The following CNOT4 variants were observed in gnomAD, a reference collection of about 807,000 sequenced individuals.
The protein encoded by CNOT4 is CCR4-associated factor 4.
A neutral mutation model predicts 73.8 loss-of-function variants in CNOT4; 8 were observed. That is an observed-to-expected ratio of 0.11 (90% CI 0.06 to 0.20). The LOEUF is 0.20. CNOT4 is among the 10% of genes least tolerant of loss of function. CNOT4 has a pLI of 1.00. For missense variants in CNOT4, 564 were observed against 883.4 expected (o/e 0.64, Z 4.58); for synonymous variants, 293 against 321.1 (o/e 0.91, Z 0.94).
At chr7:135,423,475 A>G (rs1798305054) in intron 2 of CNOT4, among the ~76,000 whole-genome samples, 1 of 152,082 alleles carries the variant, frequency 6.6e-6, no homozygotes, top group Non-Finnish European at 1.5e-5. Flanking sequence ...AAGCGTTAAA[A>G]AAAAAAAAAA....
intron 1 of CNOT4, among the ~76,000 whole-genome samples, chr7:135,461,692 C>A (rs1210799316): frequency 6.6e-6 from 1 of 151,992 alleles, no homozygotes; most frequent in East Asian, 1.9e-4. Context: ...ATTAGCCAGG[C>A]GTGGTGGTGC....
rs759852386 is a variant in CNOT4 at position 135,362,706 on chromosome 7, T to C, written c.*179A>G. ...GATCAACAAAAATTTTTACAATTAA[T>C]AAAGAGATGGTAATGACCCTGTGAT... is the stretch of plus-strand genomic sequence containing the variant. On this transcript the variant is annotated 3_prime_UTR_variant, in exon 12 of 12. Transcript: ENST00000541284. 1.3e-6 allele frequency: 1 copy of C among 760,904 alleles called. No individual in the cohort carries two copies. Among genetic ancestry groups the C allele is most frequent in the South Asian group, 1.4e-5 (1 of 72,890 alleles). 47.1% of individuals were successfully genotyped at this position (760,904 alleles called of 1,614,324 possible).
At chr7:135,457,356 A>C (rs1195524496) in intron 1 of CNOT4, among the ~76,000 whole-genome samples, 1 of 152,038 alleles carries the variant, frequency 6.6e-6, no homozygotes, top group Non-Finnish European at 1.5e-5. Flanking sequence ...TTTGAGGTTT[A>C]ATTTTATGAT....
intron 1 of CNOT4, among the ~76,000 whole-genome samples, chr7:135,490,297 A>C (rs1803022848): frequency 6.6e-6 from 1 of 152,242 alleles, no homozygotes; most frequent in African/African-American, 2.4e-5. Flanking sequence ...AGTAGAAAAT[A>C]CTAATTCAAA....
At chr7:135,378,298 G>A (rs1395145586) in intron 10 of CNOT4, among the ~76,000 whole-genome samples, 1 of 152,076 alleles carries the variant, frequency 6.6e-6, no homozygotes, top group Non-Finnish European at 1.5e-5. Flanking sequence ...GAGGTCAGGA[G>A]CTCGAGACCA....
At chr7:135,499,497 T>A (rs1418122721) in intron 1 of CNOT4, among the ~76,000 whole-genome samples, 1 of 151,854 alleles carries the variant, frequency 6.6e-6, no homozygotes, top group African/African-American at 2.4e-5. Flanking sequence ...AAAAAAAACA[T>A]AAACTATTAA....
intron 1 of CNOT4, among the ~76,000 whole-genome samples, chr7:135,455,652 A>G (rs1213690972): frequency 6.6e-6 from 1 of 152,054 alleles, no homozygotes; most frequent in Non-Finnish European, 1.5e-5. Flanking sequence ...AGGCGGGCAG[A>G]TTACTTGAGG....
chr7:135,457,312 C>G (rs1800600075), intron 1 of CNOT4, among the ~76,000 whole-genome samples: 1 of 151,434 alleles, frequency 6.6e-6, no homozygotes, highest in African/African-American at 2.4e-5. Flanking sequence ...GGGAAGGAGA[C>G]AAAGGGAAAG....
At chr7:135,442,595 C>G (rs115701743) in intron 1 of CNOT4, among the ~76,000 whole-genome samples, 3 of 151,836 alleles carry the variant, frequency 2.0e-5, no homozygotes, top group African/African-American at 7.3e-5. Flanking sequence ...GCAAAAACTT[C>G]GTTTCAAAAA....
At chr7:135,425,030 C>T (rs1798413511) in intron 2 of CNOT4, among the ~76,000 whole-genome samples, 1 of 152,174 alleles carries the variant, frequency 6.6e-6, no homozygotes, top group South Asian at 2.1e-4. Context: ...ACTACCCCAA[C>T]ATTCAGGTCC....
chr7:135,486,699 T>C (rs1179706243), intron 1 of CNOT4, among the ~76,000 whole-genome samples: 1 of 152,220 alleles, frequency 6.6e-6, no homozygotes, highest in African/African-American at 2.4e-5. Context: ...CCCACACCAC[T>C]GAATACTACT....
chr7:135,387,009 T>C lies in CNOT4; in HGVS notation c.1627+6909A>G, dbSNP rs556379746. 4.6e-5 allele frequency: 39 copies of C among 842,564 alleles called. No homozygotes were observed. The South Asian group carries it at 1.8e-3, about 39-fold the overall frequency. The allele number at this position is 842,564 out of a possible 1,614,324, so 52.2% of individuals were successfully genotyped here. On this transcript the variant is annotated intron_variant, in intron 10 of 11. Transcript: ENST00000541284. ...GAAGGCTTTGAGCTAGTAAGCATCA[T>C]TACAAGGAGCCAGAGTTTGTTATAA...
intron 1 of CNOT4, among the ~76,000 whole-genome samples, chr7:135,495,558 G>C (rs1172182930): frequency 6.8e-6 from 1 of 146,576 alleles, no homozygotes; most frequent in East Asian, 2.0e-4. Flanking sequence ...CACCTACAGT[G>C]CCAGCTACTT....
chr7:135,439,648 C>T (rs1013953649), intron 1 of CNOT4, among the ~76,000 whole-genome samples: 48 of 152,142 alleles, frequency 3.2e-4, no homozygotes, highest in African/African-American at 1.0e-3. Context: ...GGCATGGTGG[C>T]GCACACTGTA....
intron 1 of CNOT4, among the ~76,000 whole-genome samples, chr7:135,476,807 A>G (rs1802023675): frequency 6.6e-6 from 1 of 152,154 alleles, no homozygotes; most frequent in Non-Finnish European, 1.5e-5. Flanking sequence ...TCCCATCTCT[A>G]CAAAAAATAC....
At chr7:135,443,188 CAAA>C (rs61062618) in intron 1 of CNOT4, among the ~76,000 whole-genome samples, 5 of 133,956 alleles carry the variant, frequency 3.7e-5, no homozygotes, top group Admixed American at 7.5e-5. Flanking sequence ...CTATCTCTAC[CAAA>C]AAAAAAAAAA....
intron 3 of CNOT4, among the ~76,000 whole-genome samples, chr7:135,421,363 T>A (rs1272736682): frequency 6.6e-6 from 1 of 152,050 alleles, no homozygotes; most frequent in East Asian, 1.9e-4. Flanking sequence ...TTTTGGAAGA[T>A]CCCCCAAAAC....
At chr7:135,396,360 A>G (rs958714683) in intron 8 of CNOT4, among the ~76,000 whole-genome samples, 1 of 151,364 alleles carries the variant, frequency 6.6e-6, no homozygotes, top group Non-Finnish European at 1.5e-5. Flanking sequence ...CTCGTGATCC[A>G]CCCGCCTCGG....
At chr7:135,460,698 A>C (rs777339245) in intron 1 of CNOT4, among the ~76,000 whole-genome samples, 1 of 152,212 alleles carries the variant, frequency 6.6e-6, no homozygotes, top group African/African-American at 2.4e-5. Context: ...CGAAACATGA[A>C]GCAAGTATAT....
Sources: allele counts gnomAD v4.1 joint callset (sites outside exome capture counted in the v4.1 genomes callset), GRCh38; gene constraint gnomAD v4.1.1; transcripts MANE v1.5; gene names NCBI Gene and HGNC (gene_info 2026-07-23, HGNC 2026-07-21).